FRYL: variants seen among roughly 807,000 people sequenced by gnomAD.
FRYL encodes FRY like transcription coactivator.
FRYL carries 150 observed loss-of-function variants against 351.2 expected under a neutral mutation model. The observed-to-expected ratio is 0.43, with a 90% CI of 0.37 to 0.49. The LOEUF is 0.49. FRYL is among the 20% of genes least tolerant of loss of function. FRYL has a pLI of 0.00. For synonymous variants in FRYL, 1,153 were observed against 1,257.1 expected (o/e 0.92, Z 1.75); for missense variants, 3,036 against 3,619.3 (o/e 0.84, Z 4.13).
chr4:48,697,071 G>T (rs761347143), intron 2 of FRYL, among the ~76,000 whole-genome samples: 4 of 152,016 alleles, frequency 2.6e-5, no homozygotes, highest in Non-Finnish European at 4.4e-5. Flanking sequence ...TGAAGAAGAA[G>T]AATAAAGGAA....
chr4:48,585,614 T>C (rs1392864398), intron 19 of FRYL, among the ~76,000 whole-genome samples: 1 of 152,226 alleles, frequency 6.6e-6, no homozygotes, highest in Admixed American at 6.5e-5. Context: ...CAGATGCTTA[T>C]TGGAACGCAG....
At chr4:48,687,330 A>C (rs964667501) in intron 2 of FRYL, among the ~76,000 whole-genome samples, 1 of 152,152 alleles carries the variant, frequency 6.6e-6, no homozygotes, top group East Asian at 1.9e-4. Context: ...TTGGTATTTG[A>C]CAACACTGAA....
chr4:48,627,972 T>A (rs1752170255), intron 4 of FRYL, among the ~76,000 whole-genome samples: 1 of 152,190 alleles, frequency 6.6e-6, no homozygotes, highest in Non-Finnish European at 1.5e-5. Context: ...GGTTTCACCA[T>A]GTTGGCCAGG....
intron 3 of FRYL, among the ~76,000 whole-genome samples, chr4:48,658,190 C>T (rs116039359): frequency 0.018 from 2,745 of 152,054 alleles, 77 homozygotes; most frequent in African/African-American, 0.062. Context: ...AATGGTCTGG[C>T]TAAACAAAAT....
intron 32 of FRYL, among the ~76,000 whole-genome samples, chr4:48,561,851 C>G (rs1560609396): frequency 6.6e-6 from 1 of 151,872 alleles, no homozygotes. Flanking sequence ...CTCATCTCTA[C>G]AAAAAAATTA....
At position 48,567,558 on chromosome 4, in the gene FRYL, T is replaced by C; in HGVS notation, c.2997-138A>G. On this transcript the variant is annotated intron_variant, in intron 27 of 63. Transcript: ENST00000358350. This position sits in a 1 kb window ranked among gnomAD's most constrained non-coding sequence, Gnocchi z 4.2. ...CAGCACGCAACTTAATATATGAAAATTAAATGAATATGATTTTGCTTACTT... is the reference window on the plus strand; with the variant it reads ...CAGCACGCAACTTAATATATGAAAACTAAATGAATATGATTTTGCTTACTT... 1.7e-6 allele frequency: 1 copy of C among 587,764 alleles called. No homozygotes were observed. Among genetic ancestry groups the C allele is most frequent in the Admixed American group, 3.8e-5 (1 of 26,016 alleles). 36.4% of individuals were successfully genotyped at this position (587,764 alleles called of 1,614,324 possible).
At chr4:48,707,283 T>A (rs1473858874) in intron 2 of FRYL, among the ~76,000 whole-genome samples, 2 of 152,200 alleles carry the variant, frequency 1.3e-5, no homozygotes, top group Non-Finnish European at 2.9e-5. Flanking sequence ...GGAAAAAAAG[T>A]ACACAGATCT....
chr4:48,671,087 T>C (rs1762583793), intron 3 of FRYL, among the ~76,000 whole-genome samples: 1 of 152,208 alleles, frequency 6.6e-6, no homozygotes, highest in Non-Finnish European at 1.5e-5. Context: ...GGGTTCGCTT[T>C]TCTCCACATC....
intron 16 of FRYL, among the ~76,000 whole-genome samples, chr4:48,592,165 A>G (rs990092891): frequency 2.7e-5 from 4 of 147,818 alleles, no homozygotes; most frequent in African/African-American, 1.0e-4. Flanking sequence ...TTTATATACG[A>G]CATAGTACTG....
chr4:48,711,099 T>C (rs553618633), intron 1 of FRYL, among the ~76,000 whole-genome samples: 77 of 152,260 alleles, frequency 5.1e-4, no homozygotes, highest in African/African-American at 1.7e-3. Flanking sequence ...GATGGCCGAA[T>C]AGGAACAGCT....
At chr4:48,725,682 A>C (rs1769996228) in intron 1 of FRYL, among the ~76,000 whole-genome samples, 1 of 152,142 alleles carries the variant, frequency 6.6e-6, no homozygotes, top group Admixed American at 6.5e-5. Context: ...GAGCAGTCTC[A>C]GTTATCAGAT....
chr4:48,570,079 GC>G (rs1439391883), intron 27 of FRYL, among the ~76,000 whole-genome samples: 1 of 152,178 alleles, frequency 6.6e-6, no homozygotes, highest in Admixed American at 6.5e-5. Context: ...CTCCCAAAAT[GC>G]TGGGATTACA....
intron 1 of FRYL, among the ~76,000 whole-genome samples, chr4:48,738,904 T>C (rs1004702370): frequency 7.9e-5 from 12 of 152,116 alleles, no homozygotes; most frequent in South Asian, 4.1e-4. Flanking sequence ...TCTGTGAGTA[T>C]TGACAAACTG....
chr4:48,593,903 T>C, intron 16 of FRYL, 27 bp downstream of exon 16: 1 of 1,086,106 alleles, frequency 9.2e-7, no homozygotes, highest in African/African-American at 1.7e-5. Context: ...TCTAGGATTT[T>C]ATATTATTAC....
intron 30 of FRYL, among the ~76,000 whole-genome samples, chr4:48,564,431 C>T (rs1030874307): frequency 2.6e-5 from 4 of 152,102 alleles, no homozygotes; most frequent in South Asian, 2.1e-4. Flanking sequence ...TTTTATCAAG[C>T]TTTATTCTTG....
Position 48,534,666 on chromosome 4 carries a change from G to T in FRYL, c.6584C>A (p.Ser2195Tyr), listed in dbSNP as rs1200129159. Residue 2195 changes from serine (S) to tyrosine (Y), a missense_variant, in exon 49 of 64, where the codon TCC becomes TAC. Transcript: ENST00000358350. Reference protein sequence around the residue: ...YLAELLEKGLSSMQQSLLQII... With the variant: ...YLAELLEKGLYSMQQSLLQII... ...CTGTAGTAATGATTGCTGCATACTG[G>T]ACAATCCTTTCTCTAACAGCTAAAA... The T allele has an allele frequency of 6.4e-7, 1 of 1,557,628 alleles. No homozygotes were observed. The highest frequency in any genetic ancestry group is 8.8e-7 in the Non-Finnish European group (1 of 1,135,086).
intron 4 of FRYL, among the ~76,000 whole-genome samples, chr4:48,629,427 G>C (rs1414186028): frequency 6.6e-6 from 1 of 152,170 alleles, no homozygotes; most frequent in Non-Finnish European, 1.5e-5. Context: ...TGACTCCTGA[G>C]TAAGCAAAGG....
chr4:48,624,243 T>G (rs2149333816), intron 4 of FRYL, among the ~76,000 whole-genome samples: 1 of 152,236 alleles, frequency 6.6e-6, no homozygotes, highest in African/African-American at 2.4e-5. Context: ...AGAATATTTT[T>G]TTTAACTTTC....
Position 48,549,678 on chromosome 4 carries a change from G to A in FRYL, c.4634-55C>T. The A allele has an allele frequency of 2.1e-6, 3 of 1,425,768 alleles. No homozygotes were observed. The highest frequency in any genetic ancestry group is 2.9e-6 in the Non-Finnish European group (3 of 1,027,362). The allele number at this position is 1,425,768 out of a possible 1,614,324, so 88.3% of individuals were successfully genotyped here. A position where few individuals can be genotyped will look rare whatever the true frequency, so the allele number is the denominator to read the frequency against. On this transcript the variant is annotated intron_variant, in intron 38 of 63. Coordinates refer to ENST00000358350, the MANE Select transcript of FRYL (RefSeq NM_015030.2). The surrounding 1 kb of genome is among the most constrained non-coding windows in gnomAD (Gnocchi z 4.2). ...CACCATCTAATTTCTGCCAATATAA[G>A]CAAACTCTAGTAAGATCCCAACTAT...
Sources: gnomAD v4.1 joint callset for allele counts (sites outside exome capture counted in the v4.1 genomes callset) on GRCh38, gnomAD v4.1.1 for gene constraint, Gnocchi (gnomAD v3.1) non-coding constraint, MANE v1.5 for transcripts, NCBI Gene and HGNC (gene_info 2026-07-23, HGNC 2026-07-21) for gene names.